The following KIF6 variants were observed in gnomAD, a reference collection of about 807,000 sequenced individuals.
KIF6 encodes the protein kinesin-like protein KIF6.
A neutral mutation model predicts 112.7 loss-of-function variants in KIF6; 106 were observed. That is an observed-to-expected ratio of 0.94 (90% confidence interval 0.80 to 1.11). The LOEUF is 1.11. KIF6 is among the 50% of genes least tolerant of loss of function. The pLI is 0.00. For synonymous variants in KIF6, 339 were observed against 339.9 expected, an observed-to-expected ratio of 1.00 and a Z score of 0.03; for missense variants, 929 against 964.0, an observed-to-expected ratio of 0.96 and a Z score of 0.48.
At chr6:39,639,573 A>T in intron 4 of KIF6, 37 bp downstream of exon 4, 1 of 1,498,896 alleles carries the variant, frequency 6.7e-7, no homozygotes, top group Non-Finnish European at 8.9e-7. Context: ...TGCTGAATAT[A>T]TCAAATACAA....
At chr6:39,455,994 C>T (rs1386763899) in intron 13 of KIF6, among the ~76,000 whole-genome samples, 27 of 84,572 alleles carry the variant, frequency 3.2e-4, no homozygotes, top group Admixed American at 8.3e-4. Flanking sequence ...GGCAGGCCAA[C>T]GTTCAGATTC....
At chr6:39,399,400 T>C (rs1768517892) in intron 15 of KIF6, among the ~76,000 whole-genome samples, 1 of 152,144 alleles carries the variant, frequency 6.6e-6, no homozygotes, top group Non-Finnish European at 1.5e-5. Context: ...ACTTTTGTAC[T>C]GAGTGAGCTG....
chr6:39,582,651 G>A (rs1440343643), intron 9 of KIF6, among the ~76,000 whole-genome samples: 1 of 152,162 alleles, frequency 6.6e-6, no homozygotes, highest in Non-Finnish European at 1.5e-5. Context: ...CTGACCTCAG[G>A]TGATCCATCC....
intron 3 of KIF6, among the ~76,000 whole-genome samples, chr6:39,675,473 G>A (rs1483501324): frequency 6.6e-6 from 1 of 152,060 alleles, no homozygotes; most frequent in Non-Finnish European, 1.5e-5. Context: ...AAGATGACTA[G>A]CCCTGAAGTA....
chr6:39,489,989 C>A (rs1362380912), intron 13 of KIF6, among the ~76,000 whole-genome samples: 1 of 152,160 alleles, frequency 6.6e-6, no homozygotes, highest in Non-Finnish European at 1.5e-5. Flanking sequence ...AAAGCTCTTA[C>A]TAAATTAAAT....
At position 39,568,551 on chromosome 6, in the gene KIF6, C is replaced by CT. The variant is rs1285047955; in HGVS notation, c.1181+9504dup. Among the ~76,000 whole-genome samples the CT allele has an allele frequency of 2.5e-3, 359 of 146,248 alleles. 1 individual carries two copies. Among genetic ancestry groups the CT allele is most frequent in the African/African-American group, 8.1e-3 (324 of 40,080 alleles). Reference sequence around the variant, plus strand: ...GAGATTTTTCATTTTCTTTTCTTTTCTTTTTTTTTTTAATTTGAGATGGAG... The same window carrying CT: ...GAGATTTTTCATTTTCTTTTCTTTTCTTTTTTTTTTTTAATTTGAGATGGAG... On this transcript the variant is annotated intron_variant, in intron 10 of 22. Transcript: ENST00000287152.
At chr6:39,613,367 A>C in intron 5 of KIF6, 49 bp from the exon 6 acceptor site, 1 of 1,485,856 alleles carries the variant, frequency 6.7e-7, no homozygotes, top group Non-Finnish European at 9.0e-7. Context: ...GAATGAAAAG[A>C]ACTTGAAGTC....
At chr6:39,344,787 C>A (rs1271989472) in intron 21 of KIF6, among the ~76,000 whole-genome samples, 4 of 152,184 alleles carry the variant, frequency 2.6e-5, no homozygotes, top group Non-Finnish European at 4.4e-5. Flanking sequence ...AGCTAGTTGA[C>A]CTCAAGGCAG....
rs1217294610 is a variant in KIF6, at chr6:39,483,610, C to A, written c.1646-52449G>T. Among the ~76,000 whole-genome samples, 4 of 152,154 alleles carry A rather than the reference C, an allele frequency of 2.6e-5. No homozygotes were observed. In the East Asian group the frequency reaches 5.8e-4, roughly 22 times the overall value. On this transcript the variant is annotated intron_variant, in intron 13 of 22. Coordinates refer to ENST00000287152, the MANE Select transcript of KIF6 (RefSeq NM_145027.6). Reference sequence around the variant, plus strand: ...ATTTAGAGCAGGTTTTAAACCAGTGCATTTCAAGCATCTGAAAGAGATCTA... The same window carrying A: ...ATTTAGAGCAGGTTTTAAACCAGTGAATTTCAAGCATCTGAAAGAGATCTA...
intron 3 of KIF6, among the ~76,000 whole-genome samples, chr6:39,671,720 T>C (rs159956): frequency 0.89 from 134,905 of 152,320 alleles, 60,314 homozygotes; most frequent in East Asian, 0.97. Flanking sequence ...TTGTCCCTAA[T>C]AACAATATAG....
intron 13 of KIF6, among the ~76,000 whole-genome samples, chr6:39,431,872 G>C (rs1771181736): frequency 1.3e-5 from 2 of 152,146 alleles, no homozygotes; most frequent in African/African-American, 2.4e-5. Flanking sequence ...CCACCTCCCG[G>C]AGTGAGGGTC....
At chr6:39,359,438 C>T (rs914277726) in intron 18 of KIF6, among the ~76,000 whole-genome samples, 15 of 151,966 alleles carry the variant, frequency 9.9e-5, no homozygotes, top group Admixed American at 1.3e-4. Context: ...AAATATTCAG[C>T]GATAGGAGAT....
chr6:39,462,941 T>C (rs536209615), intron 13 of KIF6, among the ~76,000 whole-genome samples: 1 of 152,228 alleles, frequency 6.6e-6, no homozygotes, highest in Non-Finnish European at 1.5e-5. Context: ...TTAAAGAAAA[T>C]TCAGCAAACT....
intron 13 of KIF6, among the ~76,000 whole-genome samples, chr6:39,487,192 T>G (rs776101868): frequency 1.3e-5 from 2 of 152,240 alleles, no homozygotes; most frequent in African/African-American, 2.4e-5. Flanking sequence ...TTTTAATAAC[T>G]TAATTCAACT....
chr6:39,635,519 C>T (rs1784580442), intron 4 of KIF6, among the ~76,000 whole-genome samples: 1 of 152,040 alleles, frequency 6.6e-6, no homozygotes, highest in Non-Finnish European at 1.5e-5. Flanking sequence ...TATGAGTGGA[C>T]ATTAATAGTT....
intron 5 of KIF6, among the ~76,000 whole-genome samples, chr6:39,621,139 C>T (rs1360004463): frequency 2.0e-5 from 3 of 151,336 alleles, no homozygotes; most frequent in African/African-American, 4.9e-5. Context: ...TTAACCATTC[C>T]TTTATGAGAA....
chr6:39,401,228 G>T (rs911943939), intron 15 of KIF6, among the ~76,000 whole-genome samples: 1 of 152,236 alleles, frequency 6.6e-6, no homozygotes, highest in Non-Finnish European at 1.5e-5. Flanking sequence ...TTCTGCAGTT[G>T]CTCAAGTCAC....
chr6:39,684,270 G>C (rs1426356134), intron 3 of KIF6, among the ~76,000 whole-genome samples: 1 of 152,182 alleles, frequency 6.6e-6, no homozygotes, highest in Non-Finnish European at 1.5e-5. Flanking sequence ...GGGAGGCCAA[G>C]GCAGGTGGTT....
At position 39,720,296 on chromosome 6, in the gene KIF6, T is replaced by C. The variant is rs1452876079; in HGVS notation, c.176+406A>G. Among the ~76,000 whole-genome samples, 3 of 152,280 alleles carry C rather than the reference T, an allele frequency of 2.0e-5. No homozygotes were observed. In the East Asian group the frequency reaches 5.8e-4, roughly 29 times the overall value. ...ACAGCACAGATATAGAGTATACATATGTGTATATGAGGTCCAAATATCATA... is the reference window on the plus strand; with the variant it reads ...ACAGCACAGATATAGAGTATACATACGTGTATATGAGGTCCAAATATCATA... On this transcript the variant is annotated intron_variant, in intron 2 of 22. Coordinates refer to ENST00000287152, the MANE Select transcript of KIF6 (RefSeq NM_145027.6).
Sources: gnomAD v4.1 joint callset for allele counts (sites outside exome capture counted in the v4.1 genomes callset) on GRCh38, gnomAD v4.1.1 for gene constraint, MANE v1.5 for transcripts, NCBI Gene and HGNC (gene_info 2026-07-23, HGNC 2026-07-21) for gene names.